The following SDCCAG8 variants were observed in gnomAD, a reference collection of about 807,000 sequenced individuals.
SDCCAG8 encodes serologically defined colon cancer antigen 8.
In SDCCAG8, 74 loss-of-function variants were observed where a neutral mutation model predicts 101.8. The observed-to-expected ratio is 0.73, with a 90% CI of 0.60 to 0.88. SDCCAG8 has a LOEUF of 0.88. SDCCAG8 is among the 40% of genes least tolerant of loss of function. The pLI is 0.00. For synonymous variants in SDCCAG8, 281 were observed against 292.9 expected (o/e 0.96, Z 0.41); for missense variants, 787 against 822.6 (o/e 0.96, Z 0.53).
intron 16 of SDCCAG8, among the ~76,000 whole-genome samples, chr1:243,427,106 G>A (rs1362698373): frequency 6.6e-6 from 1 of 152,068 alleles, no homozygotes; most frequent in Non-Finnish European, 1.5e-5. Flanking sequence ...TATCTACTTT[G>A]CATTTTGATG....
intron 8 of SDCCAG8, among the ~76,000 whole-genome samples, chr1:243,308,608 T>A (rs2072401773): frequency 6.6e-6 from 1 of 152,218 alleles, no homozygotes; most frequent in African/African-American, 2.4e-5. Flanking sequence ...TATTACCACA[T>A]CTTCATCATG....
At chr1:243,400,653 A>G (rs1378103018) in intron 13 of SDCCAG8, among the ~76,000 whole-genome samples, 1 of 152,178 alleles carries the variant, frequency 6.6e-6, no homozygotes, top group Non-Finnish European at 1.5e-5. Context: ...CCTTTATGTG[A>G]TAATTCTATT....
At chr1:243,472,084 C>A (rs1000715729) in intron 16 of SDCCAG8, among the ~76,000 whole-genome samples, 15 of 152,184 alleles carry the variant, frequency 9.9e-5, no homozygotes, top group African/African-American at 3.1e-4. Flanking sequence ...GCTCTTTGGA[C>A]ATTTCAGCTG....
intron 13 of SDCCAG8, among the ~76,000 whole-genome samples, chr1:243,389,808 G>A (rs999663177): frequency 6.6e-6 from 1 of 152,158 alleles, no homozygotes. Context: ...CAGGAGGGAG[G>A]AGAGTAGGCA....
chr1:243,469,870 C>T (rs1262699189), intron 16 of SDCCAG8, among the ~76,000 whole-genome samples: 1 of 137,542 alleles, frequency 7.3e-6, no homozygotes, highest in East Asian at 2.1e-4. Flanking sequence ...AAGCCTCAGT[C>T]TCCTCATCTA....
chr1:243,298,147 C>A (rs1403023741), intron 6 of SDCCAG8, among the ~76,000 whole-genome samples: 2 of 151,196 alleles, frequency 1.3e-5, no homozygotes, highest in Non-Finnish European at 2.9e-5. Flanking sequence ...CTCCCTGGTT[C>A]AGGCAATTCC....
intron 16 of SDCCAG8, among the ~76,000 whole-genome samples, chr1:243,428,645 T>C (rs776650402): frequency 3.2e-4 from 49 of 152,226 alleles, no homozygotes; most frequent in Non-Finnish European, 1.3e-4. Context: ...GTCTTTATCA[T>C]TGACTACCAT....
chr1:243,490,667 A>T (rs1558544749), intron 17 of SDCCAG8, among the ~76,000 whole-genome samples: 2 of 152,182 alleles, frequency 1.3e-5, no homozygotes, highest in Admixed American at 6.5e-5. Flanking sequence ...GGGATGCCCC[A>T]CGGGCCCTTG....
intron 12 of SDCCAG8, among the ~76,000 whole-genome samples, chr1:243,355,440 C>A (rs375065058): frequency 6.6e-6 from 1 of 151,886 alleles, no homozygotes; most frequent in East Asian, 1.9e-4. Flanking sequence ...CATTAAAGTG[C>A]GAGGGGACGC....
chr1:243,369,847 A>C (rs1445510222), intron 12 of SDCCAG8, among the ~76,000 whole-genome samples: 2 of 152,144 alleles, frequency 1.3e-5, no homozygotes, highest in Non-Finnish European at 2.9e-5. Context: ...TGGTGTGGTC[A>C]ACAATTAGGA....
At chr1:243,494,699 T>C (rs938419696) in intron 17 of SDCCAG8, among the ~76,000 whole-genome samples, 2 of 152,264 alleles carry the variant, frequency 1.3e-5, no homozygotes, top group Non-Finnish European at 2.9e-5. Context: ...GAAAAGTCAA[T>C]TGAATTTTAT....
rs1272190657 is a variant in SDCCAG8, at chr1:243,418,109, C to T, written c.1853+33C>T. 4 of 1,433,268 alleles carry T rather than the reference C, an allele frequency of 2.8e-6. No homozygotes were observed. In the East Asian group the frequency reaches 9.1e-5, roughly 33 times the overall value. The allele number at this position is 1,433,268 out of a possible 1,614,324, so 88.8% of individuals were successfully genotyped here. On this transcript the variant is annotated intron_variant, in intron 15 of 17. Transcript: ENST00000366541. ...ATGTTATAGAATACTTTCAAGAGCA[C>T]TGTTTGTGTGATTACTCTAATTTTT...
intron 16 of SDCCAG8, among the ~76,000 whole-genome samples, chr1:243,470,633 C>T (rs569835075): frequency 6.6e-6 from 1 of 152,282 alleles, no homozygotes; most frequent in Non-Finnish European, 1.5e-5. Context: ...TCGGTGCCGA[C>T]TCATTAGCAT....
chr1:243,338,795 TC>T (rs1210458751), intron 10 of SDCCAG8: 1 of 152,414 alleles, frequency 6.6e-6, no homozygotes, highest in Admixed American at 6.5e-5. Context: ...CCTTGTCTCT[TC>T]CTTGCCCCTG....
chr1:243,349,611 A>G (rs1288792016), intron 12 of SDCCAG8, among the ~76,000 whole-genome samples: 1 of 152,084 alleles, frequency 6.6e-6, no homozygotes, highest in Admixed American at 6.5e-5. Context: ...ATTTTGCAGT[A>G]TAACAAATGT....
chr1:243,275,245 G>A (rs537685847), intron 4 of SDCCAG8, among the ~76,000 whole-genome samples: 5 of 152,036 alleles, frequency 3.3e-5, no homozygotes, highest in African/African-American at 2.4e-5. Context: ...TCATCTTCCC[G>A]AAGTATGTCG....
chr1:243,494,696 C>T (rs1469457831), intron 17 of SDCCAG8, among the ~76,000 whole-genome samples: 2 of 152,200 alleles, frequency 1.3e-5, no homozygotes, highest in Non-Finnish European at 2.9e-5. Context: ...GGAGAAAAGT[C>T]AATTGAATTT....
chr1:243,287,837 G>A (rs2069782180), intron 5 of SDCCAG8, among the ~76,000 whole-genome samples: 1 of 152,186 alleles, frequency 6.6e-6, no homozygotes, highest in African/African-American at 2.4e-5. Context: ...AAGGGGAAGT[G>A]AAGTGAGAAA....
At chr1:243,484,778 G>T (rs923222816) in intron 16 of SDCCAG8, among the ~76,000 whole-genome samples, 3 of 152,194 alleles carry the variant, frequency 2.0e-5, no homozygotes, top group East Asian at 1.9e-4. Context: ...GGGCGCGGTG[G>T]CTCACGCCTG....
Sources: gnomAD v4.1 joint callset for allele counts (sites outside exome capture counted in the v4.1 genomes callset) on GRCh38, gnomAD v4.1.1 for gene constraint, MANE v1.5 for transcripts, NCBI Gene and HGNC (gene_info 2026-07-23, HGNC 2026-07-21) for gene names.